SSBP2: variants seen among roughly 807,000 people sequenced by gnomAD.
SSBP2 encodes the protein single stranded DNA binding protein 2, also known as single-stranded DNA-binding protein 2.
SSBP2 carries 17 observed loss-of-function variants against 61.8 expected under a neutral mutation model. The ratio of observed to expected loss-of-function variants is 0.28; its 90% CI spans 0.19 to 0.41. SSBP2 has a LOEUF of 0.41. Among genes scored for constraint, SSBP2 ranks in the 10% least tolerant of loss-of-function variants. The pLI, the probability that SSBP2 is intolerant of heterozygous loss-of-function variation, is 1.00. For missense variants in SSBP2, 310 were observed against 458.7 expected (o/e 0.68, Z 2.96); for synonymous variants, 139 against 141.3 (o/e 0.98, Z 0.12).
At chr5:81,477,446 G>A (rs2154027363) in intron 6 of SSBP2, among the ~76,000 whole-genome samples, 1 of 152,244 alleles carries the variant, frequency 6.6e-6, no homozygotes, top group Non-Finnish European at 1.5e-5. Context: ...TTCTAGGTTT[G>A]TAAGTATTTT....
intron 2 of SSBP2, among the ~76,000 whole-genome samples, chr5:81,640,718 A>C (rs1748709635): frequency 6.6e-6 from 1 of 151,840 alleles, no homozygotes; most frequent in Non-Finnish European, 1.5e-5. Context: ...TGCTAAAATT[A>C]TAATTTAGTC....
intron 4 of SSBP2, among the ~76,000 whole-genome samples, chr5:81,607,214 T>C (rs995655771): frequency 1.3e-5 from 2 of 152,118 alleles, no homozygotes; most frequent in African/African-American, 4.8e-5. Flanking sequence ...AATAGGATAA[T>C]GATGAGAATG....
At chr5:81,574,201 A>C (rs764067468) in intron 4 of SSBP2, among the ~76,000 whole-genome samples, 1 of 152,148 alleles carries the variant, frequency 6.6e-6, no homozygotes, top group African/African-American at 2.4e-5. Flanking sequence ...CCAATAAATT[A>C]AGCAACAACA....
chr5:81,510,280 T>C (rs200960232), intron 5 of SSBP2, among the ~76,000 whole-genome samples: 98 of 152,218 alleles, frequency 6.4e-4, no homozygotes, highest in African/African-American at 2.3e-3. Context: ...TCAAACCTAT[T>C]CCCCATTTTG....
chr5:81,497,797 T>A (rs1767402215), intron 5 of SSBP2, among the ~76,000 whole-genome samples: 1 of 152,136 alleles, frequency 6.6e-6, no homozygotes. Context: ...TGTTTCTGGG[T>A]GACAGGGTTG....
At chr5:81,734,970 C>CAAAAAAAAAAAAAAAAA (rs11350574) in intron 1 of SSBP2, among the ~76,000 whole-genome samples, 2 of 70,528 alleles carry the variant, frequency 2.8e-5, no homozygotes, top group Non-Finnish European at 2.6e-5. Context: ...GACTCCATCT[C>CAAAAAAAAAAAAAAAAA]AAAAAAAAAA....
intron 5 of SSBP2, among the ~76,000 whole-genome samples, chr5:81,501,942 T>C (rs374129337): frequency 0.048 from 7,270 of 152,228 alleles, 220 homozygotes; most frequent in Non-Finnish European, 0.069. Context: ...TTTCCCATAG[T>C]TGCCAATAGG....
chr5:81,541,736 G>T (rs1034907705), intron 4 of SSBP2, among the ~76,000 whole-genome samples: 1 of 152,308 alleles, frequency 6.6e-6, no homozygotes, highest in Admixed American at 6.5e-5. Flanking sequence ...GAATGAAACT[G>T]GGCCCCTACC....
intron 1 of SSBP2, among the ~76,000 whole-genome samples, chr5:81,724,405 AT>A (rs1425335073): frequency 6.6e-6 from 1 of 151,994 alleles, no homozygotes; most frequent in Admixed American, 6.6e-5. Flanking sequence ...TGCTAAGTCA[AT>A]TTTTTAAAAG....
intron 15 of SSBP2, among the ~76,000 whole-genome samples, chr5:81,433,764 AATTCTGC>A (rs1220878908): frequency 6.6e-6 from 1 of 152,202 alleles, no homozygotes; most frequent in Admixed American, 6.5e-5. Flanking sequence ...ATCAAATATA[AATTCTGC>A]ATTCTGAGAA....
At chr5:81,630,739 C>A (rs1373242948) in intron 3 of SSBP2, among the ~76,000 whole-genome samples, 19 of 149,712 alleles carry the variant, frequency 1.3e-4, no homozygotes, top group Non-Finnish European at 2.4e-4. Context: ...TTAAAAGCTG[C>A]ACCGTCTGAC....
At chr5:81,442,075 T>C (rs1209399136) in intron 13 of SSBP2, among the ~76,000 whole-genome samples, 1 of 152,126 alleles carries the variant, frequency 6.6e-6, no homozygotes, top group Non-Finnish European at 1.5e-5. Context: ...TTAACTACAA[T>C]CTGTTATAAA....
At chr5:81,421,281 T>C (rs1439685630) in intron 16 of SSBP2, among the ~76,000 whole-genome samples, 1 of 152,140 alleles carries the variant, frequency 6.6e-6, no homozygotes, top group African/African-American at 2.4e-5. Context: ...AACCCTGACC[T>C]TCCTGGGCTC....
chr5:81,486,660 T>C (rs1766406174), intron 6 of SSBP2, among the ~76,000 whole-genome samples: 1 of 152,196 alleles, frequency 6.6e-6, no homozygotes, highest in Non-Finnish European at 1.5e-5. Flanking sequence ...CCTATATAAG[T>C]AGATCTGACT....
intron 15 of SSBP2, among the ~76,000 whole-genome samples, chr5:81,429,304 A>G (rs937099125): frequency 2.0e-5 from 3 of 152,334 alleles, no homozygotes; most frequent in South Asian, 4.1e-4. Context: ...ATATTTTCCT[A>G]TCATTAGTTT....
At chr5:81,613,659 A>G (rs1165288004) in intron 4 of SSBP2, among the ~76,000 whole-genome samples, 1 of 152,238 alleles carries the variant, frequency 6.6e-6, no homozygotes, top group Non-Finnish European at 1.5e-5. Context: ...CTCCTTTAAG[A>G]GTAGAACACT....
rs947949609 is a variant in SSBP2 at position 81,636,621 on chromosome 5, A to G, written c.136-3T>C. 1 of 1,605,908 alleles carries G rather than the reference A, an allele frequency of 6.2e-7. No homozygotes were observed. The highest frequency in any genetic ancestry group is 8.5e-7 in the Non-Finnish European group (1 of 1,174,034). ...GTGATGTTTTTTTCCCATCTTATCT[A>G]AAATGAATAAAAGAGATATTACTTT... On this transcript the variant is annotated splice_region_variant and splice_polypyrimidine_tract_variant and intron_variant, in intron 2 of 16. Coordinates refer to ENST00000320672, the MANE Select transcript of SSBP2 (RefSeq NM_012446.5).
chr5:81,549,012 A>G (rs1027842023), intron 4 of SSBP2, among the ~76,000 whole-genome samples: 4 of 152,224 alleles, frequency 2.6e-5, no homozygotes, highest in African/African-American at 9.6e-5. Flanking sequence ...ATTTTATCTA[A>G]GAAAGAAGAG....
chr5:81,440,644 A>T lies in SSBP2; in HGVS notation c.850-8T>A, dbSNP rs756345816. ...CCCAGGACCCATTGGAAACTATTTT[A>T]AAAATGAAGAAAATCACTGTAATCA... On this transcript the variant is annotated splice_region_variant and splice_polypyrimidine_tract_variant and intron_variant, in intron 13 of 16. Coordinates refer to ENST00000320672, the MANE Select transcript of SSBP2 (RefSeq NM_012446.5). 6 of 1,576,996 alleles carry T rather than the reference A, an allele frequency of 3.8e-6. No homozygotes were observed. The African/African-American group carries it at 6.9e-5, about 18-fold the overall frequency.
Sources: allele counts gnomAD v4.1 joint callset (sites outside exome capture counted in the v4.1 genomes callset), GRCh38; gene constraint gnomAD v4.1.1; transcripts MANE v1.5; gene names NCBI Gene and HGNC (gene_info 2026-07-23, HGNC 2026-07-21).